The following PCDHGB4 variants were observed in gnomAD, a reference collection of about 807,000 sequenced individuals.
The protein encoded by PCDHGB4 is protocadherin gamma-B4.
A neutral mutation model predicts 60.5 loss-of-function variants in PCDHGB4; 38 were observed. The ratio of observed to expected loss-of-function variants is 0.63; its 90% CI spans 0.48 to 0.82. The LOEUF (loss-of-function observed/expected upper bound fraction) is 0.82. Among genes scored for constraint, PCDHGB4 ranks in the 40% least tolerant of loss-of-function variants. The pLI, the probability that PCDHGB4 is intolerant of heterozygous loss-of-function variation, is 0.00. For synonymous variants in PCDHGB4, 456 were observed against 509.7 expected (o/e 0.89, Z 1.42); for missense variants, 1,109 against 1,209.6 (o/e 0.92, Z 1.23).
intron 2 of PCDHGB4, among the ~76,000 whole-genome samples, chr5:141,497,553 T>G (rs2099777684): frequency 6.6e-6 from 1 of 151,326 alleles, no homozygotes; most frequent in Non-Finnish European, 1.5e-5. Flanking sequence ...TTTTTTTTTT[T>G]TTTTTAGACA....
intron 2 of PCDHGB4, among the ~76,000 whole-genome samples, chr5:141,498,009 C>T (rs1160103624): frequency 6.6e-6 from 1 of 152,146 alleles, no homozygotes; most frequent in African/African-American, 2.4e-5. Context: ...TTACAGTGCA[C>T]TGAAGGAGAC....
Position 141,489,173 on chromosome 5 carries a change from C to T in PCDHGB4, c.2398-5634C>T. 8.3e-7 allele frequency: 1 copy of T among 1,208,434 alleles called. No individual in the cohort carries two copies. Among genetic ancestry groups the T allele is most frequent in the Non-Finnish European group, 1.2e-6 (1 of 860,944 alleles). The allele number at this position is 1,208,434 out of a possible 1,614,324, so 74.9% of individuals were successfully genotyped here. ...CATAAGAGACTTCAGCTGCTGCATTCCAAGCCCTGGGTCTACCTTGGAGAC... is the reference window on the plus strand; with the variant it reads ...CATAAGAGACTTCAGCTGCTGCATTTCAAGCCCTGGGTCTACCTTGGAGAC... On this transcript the variant is annotated intron_variant, in intron 1 of 3. Coordinates refer to ENST00000519479, the MANE Select transcript of PCDHGB4 (RefSeq NM_003736.4). The surrounding 1 kb of genome is among the most constrained non-coding windows in gnomAD (Gnocchi z 4.5).
At chr5:141,423,757 G>C (rs562479446) in intron 1 of PCDHGB4, 29 of 395,138 alleles carry the variant, frequency 7.3e-5, no homozygotes, top group African/African-American at 6.1e-4. Flanking sequence ...GTTTGGGGGG[G>C]GGGTGGGGCG....
At chr5:141,409,389 C>T (rs1445649056) in intron 1 of PCDHGB4, 2 of 1,613,888 alleles carry the variant, frequency 1.2e-6, no homozygotes, top group Non-Finnish European at 1.7e-6. Flanking sequence ...AAGATTTATT[C>T]TTCTTCCAAT....
intron 1 of PCDHGB4, chr5:141,441,995 G>T: frequency 8.1e-6 from 2 of 246,740 alleles, no homozygotes; most frequent in Non-Finnish European, 8.0e-6. Flanking sequence ...CCGACGAGGT[G>T]CTGACAGCTC....
In PCDHGB4 at chr5:141,464,280, A is replaced by C. The variant is rs934753450; in HGVS notation, c.2398-30527A>C. Among the ~76,000 whole-genome samples, 148 of 75,930 alleles carry C rather than the reference A, an allele frequency of 1.9e-3. 1 individual carries two copies. Among genetic ancestry groups the C allele is most frequent in the African/African-American group, 0.011 (146 of 12,968 alleles). 49.8% of individuals were successfully genotyped at this position (75,930 alleles called of 152,430 possible). Reference sequence around the variant, plus strand: ...ACTCCGTCTAAAAAAAAAAAAAAGCAAAAAAAAAAACTCCATTGTATGTGC... The same window carrying C: ...ACTCCGTCTAAAAAAAAAAAAAAGCCAAAAAAAAAACTCCATTGTATGTGC... On this transcript the variant is annotated intron_variant, in intron 1 of 3. Transcript: ENST00000519479.
intron 3 of PCDHGB4, among the ~76,000 whole-genome samples, chr5:141,510,266 C>T (rs1202092142): frequency 7.0e-6 from 1 of 143,198 alleles, no homozygotes; most frequent in Non-Finnish European, 1.5e-5. Flanking sequence ...GAGCAGGACT[C>T]CATCTTAAAA....
At chr5:141,501,600 C>G (rs1320824291) in intron 2 of PCDHGB4, among the ~76,000 whole-genome samples, 1 of 152,040 alleles carries the variant, frequency 6.6e-6, no homozygotes, top group Admixed American at 6.6e-5. Flanking sequence ...TCTACCAGTT[C>G]CAGCTGTGTG....
At chr5:141,400,459 G>C (rs1287515286) in intron 1 of PCDHGB4, 1 of 1,614,072 alleles carries the variant, frequency 6.2e-7, no homozygotes, top group Admixed American at 1.7e-5. Flanking sequence ...CATACTTTGT[G>C]GTGATTCATC....
intron 1 of PCDHGB4, chr5:141,399,787 A>C (rs111395890): frequency 0.048 from 76,979 of 1,613,184 alleles, 1,998 homozygotes; most frequent in South Asian, 0.077. Flanking sequence ...CCGAAACGAC[A>C]ACGCACCGCG....
chr5:141,431,127 T>C lies in PCDHGB4; in HGVS notation c.2397+40846T>C, dbSNP rs1455709617. ...AAAATATATGGAGTAGAAGTAGAAG[T>C]AAGGGACATTAACGACAATGCGCCT... On this transcript the variant is annotated intron_variant, in intron 1 of 3. Transcript: ENST00000519479. This position sits in a 1 kb window ranked among gnomAD's most constrained non-coding sequence, Gnocchi z 4.8. 1 of 1,614,176 alleles carries C rather than the reference T, an allele frequency of 6.2e-7. No individual in the cohort carries two copies. Among genetic ancestry groups the C allele is most frequent in the East Asian group, 2.2e-5 (1 of 44,878 alleles).
At chr5:141,498,670 G>A (rs1266576450) in intron 2 of PCDHGB4, among the ~76,000 whole-genome samples, 1 of 152,066 alleles carries the variant, frequency 6.6e-6, no homozygotes, top group Non-Finnish European at 1.5e-5. Flanking sequence ...GGTGGCTCAC[G>A]CCTGTAATCC....
intron 1 of PCDHGB4, among the ~76,000 whole-genome samples, chr5:141,492,356 G>A (rs2099739649): frequency 6.6e-6 from 1 of 152,198 alleles, no homozygotes; most frequent in Non-Finnish European, 1.5e-5. Context: ...ACTGCCACTC[G>A]CTCGCGGCCA....
At chr5:141,408,882 ACATAGAAATTTCTGTCAAG>A (rs745313321) in intron 1 of PCDHGB4, 50 of 1,613,286 alleles carry the variant, frequency 3.1e-5, no homozygotes, top group Non-Finnish European at 4.1e-5. Context: ...GCCACCGCTC[ACATAGAAATTTCTGTCAAG>A]GATACCAATG....
At chr5:141,448,730 G>A (rs1419700194) in intron 1 of PCDHGB4, among the ~76,000 whole-genome samples, 1 of 152,072 alleles carries the variant, frequency 6.6e-6, no homozygotes, top group African/African-American at 2.4e-5. Context: ...CACGAGGTCA[G>A]GAGATCGAGA....
In PCDHGB4 at chr5:141,512,926, T is replaced by C. The variant is rs1438111849; in HGVS notation, c.*1753T>C. The C allele has an allele frequency of 6.6e-6, 1 of 152,216 alleles. No homozygotes were observed. The highest frequency in any genetic ancestry group is 1.5e-5 in the Non-Finnish European group (1 of 68,048). 9.4% of individuals were successfully genotyped at this position (152,216 alleles called of 1,614,324 possible). A position where few individuals can be genotyped will look rare whatever the true frequency, so the allele number is the denominator to read the frequency against. On this transcript the variant is annotated 3_prime_UTR_variant, in exon 4 of 4. Coordinates refer to ENST00000519479, the MANE Select transcript of PCDHGB4 (RefSeq NM_003736.4). ...CGCAAGTTTTATACTCTAATATTTA[T>C]ATGGCTTTTTTTCTTCGACAAAAAA...
intron 1 of PCDHGB4, among the ~76,000 whole-genome samples, chr5:141,463,438 CTTTTTTTTTTTTTTTT>C (rs71576115): frequency 1.9e-5 from 2 of 103,256 alleles, no homozygotes; most frequent in African/African-American, 4.5e-5. Context: ...TTTCCTTCTC[CTTTTTTTTTTTTTTTT>C]TTTTTTTTTT....
intron 1 of PCDHGB4, among the ~76,000 whole-genome samples, chr5:141,474,280 C>A (rs1490512371): frequency 6.6e-6 from 1 of 152,136 alleles, no homozygotes; most frequent in African/African-American, 2.4e-5. Context: ...CTCTGAATAA[C>A]CCACTAGATC....
intron 1 of PCDHGB4, chr5:141,428,269 C>T (rs1326212294): frequency 1.3e-6 from 1 of 777,738 alleles, no homozygotes; most frequent in Non-Finnish European, 2.2e-6. Flanking sequence ...CAGTCCTGTG[C>T]CCTCTGATTC....
Sources: allele counts gnomAD v4.1 joint callset (sites outside exome capture counted in the v4.1 genomes callset), GRCh38; gene constraint gnomAD v4.1.1; non-coding constraint Gnocchi (gnomAD v3.1); transcripts MANE v1.5; gene names NCBI Gene and HGNC (gene_info 2026-07-23, HGNC 2026-07-21).